ZDHHC21: variants seen among roughly 807,000 people sequenced by gnomAD.
The protein encoded by ZDHHC21 is palmitoyltransferase ZDHHC21.
ZDHHC21 carries 15 observed loss-of-function variants against 34.6 expected under a neutral mutation model. The observed-to-expected ratio is 0.43, with a 90% CI of 0.29 to 0.67. The LOEUF is 0.67. Among genes scored for constraint, ZDHHC21 ranks in the 30% least tolerant of loss-of-function variants. The pLI is 0.14. For missense variants in ZDHHC21, 344 were observed against 327.7 expected, an observed-to-expected ratio of 1.05 and a Z score of -0.38; for synonymous variants, 142 against 101.8, an observed-to-expected ratio of 1.40 and a Z score of -2.38.
the ZDHHC21 span, among the ~76,000 whole-genome samples, chr9:14,593,141 T>C: frequency 4.0e-5 from 6 of 151,546 alleles, no homozygotes; most frequent in Non-Finnish European, 7.4e-5. Context: ...AGGGAGGAAA[T>C]TAGAAATCAT....
intron 5 of ZDHHC21, 126 bp from the exon 6 acceptor site, chr9:14,662,452 G>C (rs1403453524): frequency 7.7e-6 from 5 of 653,198 alleles, no homozygotes; most frequent in Non-Finnish European, 1.3e-5. Context: ...TTTCTTCTAA[G>C]CCTTTGGTAT....
chr9:14,684,670 A>T (rs898289714), intron 2 of ZDHHC21, among the ~76,000 whole-genome samples: 17 of 152,052 alleles, frequency 1.1e-4, no homozygotes, highest in Admixed American at 2.6e-4. Flanking sequence ...TCAAGCTACC[A>T]ATGCCTTTCT....
At chr9:14,621,354 G>C (rs1048057514) in intron 8 of ZDHHC21, among the ~76,000 whole-genome samples, 3 of 151,892 alleles carry the variant, frequency 2.0e-5, no homozygotes, top group Admixed American at 6.6e-5. Flanking sequence ...ATTACAACTT[G>C]TTTATAATCC....
chr9:14,670,391 A>T (rs1401897214), intron 5 of ZDHHC21, among the ~76,000 whole-genome samples: 2 of 152,192 alleles, frequency 1.3e-5, no homozygotes, highest in Non-Finnish European at 2.9e-5. Context: ...AATAATTTTT[A>T]CAATTTTAAA....
intron 8 of ZDHHC21, among the ~76,000 whole-genome samples, chr9:14,623,136 A>AT (rs1472065070): frequency 6.7e-6 from 1 of 149,748 alleles, no homozygotes; most frequent in African/African-American, 2.5e-5. Context: ...TAGGTAAGAC[A>AT]TAAAAAAAAA....
chr9:14,661,447 TAC>T (rs1394046677), intron 6 of ZDHHC21, among the ~76,000 whole-genome samples: 2 of 152,200 alleles, frequency 1.3e-5, no homozygotes, highest in Non-Finnish European at 2.9e-5. Context: ...CATATATGTA[TAC>T]AGATACATTT....
chr9:14,657,530 G>C (rs1832465396), intron 7 of ZDHHC21, among the ~76,000 whole-genome samples: 3 of 152,032 alleles, frequency 2.0e-5, no homozygotes, highest in Non-Finnish European at 4.4e-5. Flanking sequence ...GAGCCAGACA[G>C]TTAATATTTT....
At chr9:14,607,291 T>C (rs75580492), downstream of ZDHHC21, among the ~76,000 whole-genome samples, 2 of 151,938 alleles carry the variant, frequency 1.3e-5, no homozygotes, top group East Asian at 3.9e-4. Flanking sequence ...CTACAAAAAA[T>C]ATAAAAATTA....
chr9:14,693,377 T>C lies in ZDHHC21; in HGVS notation c.-373A>G. The C allele has an allele frequency of 2.7e-6, 1 of 365,642 alleles. No individual in the cohort carries two copies. The highest frequency in any genetic ancestry group is 5.3e-6 in the Non-Finnish European group (1 of 188,280). 22.6% of individuals were successfully genotyped at this position (365,642 alleles called of 1,614,324 possible). A position where few individuals can be genotyped will look rare whatever the true frequency, so the allele number is the denominator to read the frequency against. On this transcript the variant is annotated 5_prime_UTR_variant, in exon 1 of 10. Transcript: ENST00000380916. ...TTCCGCTTCCGGGAGCCTGAGGGCC[T>C]GGACCGGCCGAGTGGGTGTCCGCAT...
chr9:14,658,955 A>G (rs559848085), intron 6 of ZDHHC21, 68 bp from the exon 7 acceptor site: 2 of 1,491,934 alleles, frequency 1.3e-6, no homozygotes, highest in East Asian at 2.3e-5. Context: ...GATCAATAAG[A>G]CTAAATTAAA....
At chr9:14,601,672 T>C in the ZDHHC21 span, among the ~76,000 whole-genome samples, 1 of 152,346 alleles carries the variant, frequency 6.6e-6, no homozygotes, top group Non-Finnish European at 1.5e-5. Flanking sequence ...TTATAAATCA[T>C]TCTACTATAA....
chr9:14,667,297 C>G lies in ZDHHC21; in HGVS notation c.254-4971G>C, dbSNP rs900761601. 5.8e-4 allele frequency among the ~76,000 whole-genome samples: 86 copies of G among 148,612 alleles called. 1 individual carries two copies. The South Asian group carries it at 0.018, about 31-fold the overall frequency. Reference sequence around the variant, plus strand: ...CACATACACTCTCCCAAGACTAAACCAGGAAGAAGTTGAATCTCTGAATAG... The same window carrying G: ...CACATACACTCTCCCAAGACTAAACGAGGAAGAAGTTGAATCTCTGAATAG... On this transcript the variant is annotated intron_variant, in intron 5 of 9. Transcript: ENST00000380916.
At chr9:14,643,818 T>A (rs1946155570) in intron 7 of ZDHHC21, among the ~76,000 whole-genome samples, 1 of 152,230 alleles carries the variant, frequency 6.6e-6, no homozygotes, top group Admixed American at 6.5e-5. Flanking sequence ...TGAGATCAAG[T>A]ATCCATACAT....
chr9:14,614,705 CAGTTAATACTAGCA>C lies in ZDHHC21; in HGVS notation c.*4247_*4260del, dbSNP rs1406604144. ...TTAAATAACACATTCATTAATCATA[CAGTTAATACTAGCA>C]AGTAGAACACATTAAATGTACATGG... On this transcript the variant is annotated 3_prime_UTR_variant, in exon 10 of 10. Transcript: ENST00000380916. 3 of 151,682 alleles carry C rather than the reference CAGTTAATACTAGCA, an allele frequency of 2.0e-5. No individual in the cohort carries two copies. Among genetic ancestry groups the C allele is most frequent in the Non-Finnish European group, 4.4e-5 (3 of 67,722 alleles). The allele number at this position is 151,682 out of a possible 1,614,324, so 9.4% of individuals were successfully genotyped here. A position where few individuals can be genotyped will look rare whatever the true frequency, so the allele number is the denominator to read the frequency against.
At position 14,693,290 on chromosome 9, in the gene ZDHHC21, TCCTCCTGCCGCGCCA is replaced by T. The variant is rs767858304; in HGVS notation, c.-301_-287del. 1.7e-5 allele frequency: 7 copies of T among 418,372 alleles called. No homozygotes were observed. The highest frequency in any genetic ancestry group is 2.2e-5 in the African/African-American group (1 of 45,586). 25.9% of individuals were successfully genotyped at this position (418,372 alleles called of 1,614,324 possible). On this transcript the variant is annotated 5_prime_UTR_variant, in exon 1 of 10. Transcript: ENST00000380916. Reference sequence around the variant, plus strand: ...CCCGACCGCCAGCAGCTCTTTCCCCTCCTCCTGCCGCGCCACCTCCGCCTCCTCCGGCGCCGCCGC... The same window carrying T: ...CCCGACCGCCAGCAGCTCTTTCCCCTCCTCCGCCTCCTCCGGCGCCGCCGC...
chr9:14,623,546 T>C (rs1825680608), intron 8 of ZDHHC21, among the ~76,000 whole-genome samples: 1 of 147,796 alleles, frequency 6.8e-6, no homozygotes, highest in Non-Finnish European at 1.5e-5. Context: ...AAAAAATACA[T>C]TGAAGAAACA....
At chr9:14,606,769 A>G (rs891253817), downstream of ZDHHC21, among the ~76,000 whole-genome samples, 1 of 152,186 alleles carries the variant, frequency 6.6e-6, no homozygotes, top group Non-Finnish European at 1.5e-5. Flanking sequence ...CAGGAAATAT[A>G]TTAATAAAAA....
In ZDHHC21 at chr9:14,614,595, G is replaced by C. The variant is rs1823866578; in HGVS notation, c.*4371C>G. ...AATATTCTAGAATTCAACTGAGAAT[G>C]ACTAAATATAGAGCACAATGAAATC... On this transcript the variant is annotated 3_prime_UTR_variant, in exon 10 of 10. Transcript: ENST00000380916. 1 of 151,676 alleles carries C rather than the reference G, an allele frequency of 6.6e-6. No homozygotes were observed. Among genetic ancestry groups the C allele is most frequent in the Non-Finnish European group, 1.5e-5 (1 of 67,714 alleles). The allele number at this position is 151,676 out of a possible 1,614,324, so 9.4% of individuals were successfully genotyped here. A position where few individuals can be genotyped will look rare whatever the true frequency, so the allele number is the denominator to read the frequency against.
At chr9:14,597,659 G>A in the ZDHHC21 span, among the ~76,000 whole-genome samples, 2 of 152,056 alleles carry the variant, frequency 1.3e-5, no homozygotes, top group African/African-American at 4.8e-5. Flanking sequence ...TCTGAGGTAA[G>A]GTCTGTCCCA....
Sources: allele counts gnomAD v4.1 joint callset (sites outside exome capture counted in the v4.1 genomes callset), GRCh38; gene constraint gnomAD v4.1.1; transcripts MANE v1.5; gene names NCBI Gene and HGNC (gene_info 2026-07-23, HGNC 2026-07-21).